Variants in IQCM observed in about 807,000 individuals in gnomAD.
IQCM encodes IQ motif containing M.
In IQCM, 45 loss-of-function variants were observed where a neutral mutation model predicts 57.6. The observed-to-expected ratio is 0.78, with a 90% CI of 0.62 to 1.00. The LOEUF is 1.00. Ranked by LOEUF, IQCM falls within the 50% of genes least tolerant of loss-of-function variation. IQCM has a pLI of 0.00. For missense variants in IQCM, 468 were observed against 511.6 expected, an observed-to-expected ratio of 0.91 and a Z score of 0.82; for synonymous variants, 148 against 158.9, an observed-to-expected ratio of 0.93 and a Z score of 0.51.
At chr4:149,450,443 A>G (rs1264864924) in intron 12 of IQCM, among the ~76,000 whole-genome samples, 2 of 151,916 alleles carry the variant, frequency 1.3e-5, no homozygotes, top group Non-Finnish European at 2.9e-5. Flanking sequence ...AATGGTAGAA[A>G]ATATGTGTCA....
intron 8 of IQCM, among the ~76,000 whole-genome samples, chr4:149,592,346 T>C (rs1157034668): frequency 6.6e-6 from 1 of 152,218 alleles, no homozygotes; most frequent in Admixed American, 6.5e-5. Flanking sequence ...CTTTGTAAAT[T>C]ATGGATATTA....
intron 8 of IQCM, among the ~76,000 whole-genome samples, chr4:149,594,774 G>C (rs945129291): frequency 1.7e-4 from 26 of 152,252 alleles, no homozygotes; most frequent in African/African-American, 6.0e-4. Context: ...TTTTGAGTGA[G>C]TTTCTTAATC....
intron 13 of IQCM, among the ~76,000 whole-genome samples, chr4:149,381,001 T>C (rs1731040124): frequency 6.6e-6 from 1 of 152,198 alleles, no homozygotes; most frequent in Non-Finnish European, 1.5e-5. Context: ...AAAATTCACA[T>C]GCCTAAAACT....
intron 13 of IQCM, among the ~76,000 whole-genome samples, chr4:149,376,432 C>A (rs528172683): frequency 1.3e-5 from 2 of 152,198 alleles, no homozygotes; most frequent in African/African-American, 4.8e-5. Context: ...CAGAGAGATA[C>A]AAGATGCTAT....
intron 12 of IQCM, among the ~76,000 whole-genome samples, chr4:149,531,944 T>C (rs1429559481): frequency 6.6e-6 from 1 of 152,158 alleles, no homozygotes; most frequent in Non-Finnish European, 1.5e-5. Flanking sequence ...GTCTTATTAA[T>C]GTAAGTGGTC....
intron 11 of IQCM, among the ~76,000 whole-genome samples, chr4:149,549,489 G>C (rs1748809044): frequency 6.6e-6 from 1 of 152,160 alleles, no homozygotes; most frequent in Non-Finnish European, 1.5e-5. Context: ...CTGCACTCCA[G>C]CCTGGGCGAC....
At chr4:149,566,515 CGAGAGA>C (rs144416069) in intron 9 of IQCM, among the ~76,000 whole-genome samples, 6 of 146,674 alleles carry the variant, frequency 4.1e-5, no homozygotes, top group Non-Finnish European at 4.5e-5. Flanking sequence ...TACACATGTA[CGAGAGA>C]GAGAGAGAGA....
At position 149,351,945 on chromosome 4, in the gene IQCM, G is replaced by A. The variant is rs1169083495; in HGVS notation, c.*6C>T. 2.5e-6 allele frequency: 1 copy of A among 398,678 alleles called. No individual in the cohort carries two copies. The highest frequency in any genetic ancestry group is 4.4e-6 in the Non-Finnish European group (1 of 225,978). The allele number at this position is 398,678 out of a possible 1,614,324, so 24.7% of individuals were successfully genotyped here. On this transcript the variant is annotated 3_prime_UTR_variant, in exon 14 of 14. Transcript: ENST00000636793. ...AACTATTACAGGTAATAATATGTTG[G>A]AAACATCATTCAACTTTACATGACT...
chr4:149,443,045 C>T (rs1011290136), intron 12 of IQCM, among the ~76,000 whole-genome samples: 10 of 151,160 alleles, frequency 6.6e-5, no homozygotes, highest in Non-Finnish European at 2.9e-5. Context: ...CTTGACTAGC[C>T]AAGTCCTAAG....
chr4:149,804,307 G>C (rs999578432), intron 2 of IQCM, among the ~76,000 whole-genome samples: 1 of 152,002 alleles, frequency 6.6e-6, no homozygotes. Flanking sequence ...TACAAAGTAT[G>C]GGGGCCTTCC....
intron 5 of IQCM, among the ~76,000 whole-genome samples, chr4:149,716,230 C>T (rs561737420): frequency 3.3e-5 from 5 of 152,332 alleles, no homozygotes; most frequent in African/African-American, 7.2e-5. Flanking sequence ...CCTTGGCCTC[C>T]GTCCCATGCT....
At chr4:149,517,310 T>A (rs1306305981) in intron 12 of IQCM, among the ~76,000 whole-genome samples, 3 of 152,184 alleles carry the variant, frequency 2.0e-5, no homozygotes, top group Non-Finnish European at 1.5e-5. Context: ...TGTATACACT[T>A]GTACTAAGAA....
chr4:149,580,801 T>C (rs1430385666), intron 9 of IQCM, among the ~76,000 whole-genome samples: 1 of 151,738 alleles, frequency 6.6e-6, no homozygotes, highest in Admixed American at 6.6e-5. Context: ...TAACTTGAGA[T>C]GAGAACTATA....
At chr4:149,585,765 A>T (rs1278684856) in intron 9 of IQCM, among the ~76,000 whole-genome samples, 1 of 151,730 alleles carries the variant, frequency 6.6e-6, no homozygotes, top group Non-Finnish European at 1.5e-5. Context: ...CTATGCTGTG[A>T]GGTGAGATTT....
At chr4:149,411,953 T>C (rs1336860227) in intron 13 of IQCM, among the ~76,000 whole-genome samples, 1 of 152,344 alleles carries the variant, frequency 6.6e-6, no homozygotes, top group African/African-American at 2.4e-5. Context: ...TTTTTAAAAG[T>C]ATCATATAAT....
intron 13 of IQCM, among the ~76,000 whole-genome samples, chr4:149,367,412 T>C (rs1046007945): frequency 2.0e-5 from 3 of 152,004 alleles, no homozygotes; most frequent in African/African-American, 4.8e-5. Flanking sequence ...ATGCTTATTC[T>C]TGTTTTACAG....
intron 7 of IQCM, among the ~76,000 whole-genome samples, chr4:149,637,162 GAA>G (rs1021089498): frequency 3.4e-4 from 34 of 99,486 alleles, no homozygotes; most frequent in African/African-American, 1.1e-3. Flanking sequence ...AAAAAAAAAA[GAA>G]AAAAAAAAAA....
intron 8 of IQCM, among the ~76,000 whole-genome samples, chr4:149,614,210 A>G (rs1163837453): frequency 6.6e-6 from 1 of 152,120 alleles, no homozygotes; most frequent in Non-Finnish European, 1.5e-5. Flanking sequence ...TTTTTAATGC[A>G]GCTTATTATG....
At chr4:149,667,872 G>C (rs1300000412) in intron 7 of IQCM, among the ~76,000 whole-genome samples, 1 of 151,784 alleles carries the variant, frequency 6.6e-6, no homozygotes, top group Non-Finnish European at 1.5e-5. Flanking sequence ...ATGAAGACAA[G>C]ATTAGAGAAG....
Sources: gnomAD v4.1 joint callset for allele counts (sites outside exome capture counted in the v4.1 genomes callset) on GRCh38, gnomAD v4.1.1 for gene constraint, MANE v1.5 for transcripts, NCBI Gene and HGNC (gene_info 2026-07-23, HGNC 2026-07-21) for gene names.